Variants in PTS observed in about 807,000 individuals in gnomAD.
PTS encodes the protein 6-pyruvoyltetrahydropterin synthase.
In PTS, 23 loss-of-function variants were observed where a neutral mutation model predicts 20.6. The ratio of observed to expected loss-of-function variants is 1.12; its 90% CI spans 0.80 to 1.58. The LOEUF (loss-of-function observed/expected upper bound fraction) is 1.58, where lower values mean the gene tolerates loss of function less well. Among genes scored for constraint, PTS ranks in the 40% most tolerant of loss-of-function variants. The probability of loss-of-function intolerance (pLI) is 0.00; values close to 1 mark genes in which losing one functional copy is unlikely to be tolerated. For synonymous variants in PTS, 65 were observed against 62.5 expected, an observed-to-expected ratio of 1.04 and a Z score of -0.19; for missense variants, 186 against 182.4, an observed-to-expected ratio of 1.02 and a Z score of -0.11.
chr11:112,231,933 G>A (rs994663908), intron 4 of PTS, among the ~76,000 whole-genome samples: 1 of 144,536 alleles, frequency 6.9e-6, no homozygotes, highest in African/African-American at 2.6e-5. Context: ...GGGAGGAGAG[G>A]GGAGGGGAAA....
At chr11:112,232,149 G>T (rs932215241) in intron 4 of PTS, among the ~76,000 whole-genome samples, 5 of 152,120 alleles carry the variant, frequency 3.3e-5, no homozygotes, top group Non-Finnish European at 7.4e-5. Flanking sequence ...TCTACCGTGG[G>T]GGGAGGATTG....
intron 4 of PTS, 139 bp downstream of exon 4, chr11:112,230,821 G>A (rs1859920503): frequency 1.2e-6 from 1 of 831,698 alleles, no homozygotes; most frequent in Admixed American, 1.9e-5. Context: ...TTGGGGAATA[G>A]TTGGAAGAAC....
intron 1 of PTS, among the ~76,000 whole-genome samples, chr11:112,226,926 A>C (rs1319960888): frequency 6.7e-6 from 1 of 150,238 alleles, no homozygotes; most frequent in African/African-American, 2.5e-5. Flanking sequence ...CGGCGTAGAC[A>C]CTCAGTAAAT....
chr11:112,226,433 G>T lies in PTS; in HGVS notation c.-11G>T. The T allele has an allele frequency of 6.4e-7, 1 of 1,573,504 alleles. No homozygotes were observed. Among genetic ancestry groups the T allele is most frequent in the Non-Finnish European group, 8.6e-7 (1 of 1,161,144 alleles). On this transcript the variant is annotated 5_prime_UTR_variant, in exon 1 of 6. Coordinates refer to ENST00000280362, the MANE Select transcript of PTS (RefSeq NM_000317.3). ...AGGTGCCGGCCGAGCACCGCAGACA[G>T]CGCCGGGAAGATGAGCACGGAAGGT...
chr11:112,228,751 G>A (rs1045710637), intron 2 of PTS, 78 bp downstream of exon 2: 14 of 1,327,142 alleles, frequency 1.1e-5, no homozygotes, highest in Non-Finnish European at 1.5e-5. Flanking sequence ...ATAAAGAATG[G>A]GAAAACTTAC....
At position 112,233,710 on chromosome 11, in the gene PTS, T is replaced by A; in HGVS notation, c.*155T>A. ...ATTGAAATCATTGTAAGACCTGTTA[T>A]AAATTTAAGTCTATTTAAAACTAAA... On this transcript the variant is annotated 3_prime_UTR_variant, in exon 6 of 6. Transcript: ENST00000280362. 1 of 1,085,534 alleles carries A rather than the reference T, an allele frequency of 9.2e-7. No homozygotes were observed. The highest frequency in any genetic ancestry group is 2.2e-5 in the South Asian group (1 of 45,484). 67.2% of individuals were successfully genotyped at this position (1,085,534 alleles called of 1,614,324 possible).
Position 112,233,589 on chromosome 11 carries a change from C to A in PTS, c.*34C>A. 6.2e-7 allele frequency: 1 copy of A among 1,611,986 alleles called. No individual in the cohort carries two copies. Among genetic ancestry groups the A allele is most frequent in the South Asian group, 1.1e-5 (1 of 90,566 alleles). On this transcript the variant is annotated 3_prime_UTR_variant, in exon 6 of 6. Coordinates refer to ENST00000280362, the MANE Select transcript of PTS (RefSeq NM_000317.3). ...GTTAGCATTGCACAAAGCCCAGTTT[C>A]TTTCTGTGTTTGAAAAAGATTTTGA...
At chr11:112,229,693 A>G (rs1859905838) in intron 2 of PTS, among the ~76,000 whole-genome samples, 1 of 152,220 alleles carries the variant, frequency 6.6e-6, no homozygotes, top group Non-Finnish European at 1.5e-5. Context: ...CGCCTGGCCA[A>G]GATTTTTCAA....
At chr11:112,226,857 A>G (rs1167278694) in intron 1 of PTS, among the ~76,000 whole-genome samples, 1 of 151,168 alleles carries the variant, frequency 6.6e-6, no homozygotes, top group African/African-American at 2.4e-5. Flanking sequence ...GGTGTAGACC[A>G]CAGGGTTGCT....
chr11:112,226,551 G>A (rs992644194), intron 1 of PTS, 25 bp downstream of exon 1: 16 of 1,518,076 alleles, frequency 1.1e-5, no homozygotes, highest in South Asian at 5.0e-5. Flanking sequence ...CAGGTACAGC[G>A]GCGGGCGGTG....
At chr11:112,228,880 A>G (rs1324855507) in intron 2 of PTS, 1 of 597,972 alleles carries the variant, frequency 1.7e-6, no homozygotes. Context: ...CAACTCTTAC[A>G]AACAGTCCAA....
intron 2 of PTS, 96 bp from the exon 3 acceptor site, chr11:112,230,112 G>T (rs1859910600): frequency 8.6e-7 from 1 of 1,167,900 alleles, no homozygotes. Context: ...AATAATTTAT[G>T]TTGCCAACTT....
intron 3 of PTS, 168 bp from the exon 4 acceptor site, chr11:112,230,458 C>T: frequency 1.3e-6 from 1 of 797,812 alleles, no homozygotes. Flanking sequence ...GAAAAGGATG[C>T]TTGAAGTACA....
chr11:112,228,037 A>T (rs1859887659), intron 1 of PTS, among the ~76,000 whole-genome samples: 1 of 152,226 alleles, frequency 6.6e-6, no homozygotes, highest in Admixed American at 6.5e-5. Context: ...TTAAAAATTC[A>T]CCTGCTTGGA....
Position 112,226,428 on chromosome 11 carries a change from A to G in PTS, c.-16A>G. 6.4e-7 allele frequency: 1 copy of G among 1,570,632 alleles called. No homozygotes were observed. The highest frequency in any genetic ancestry group is 8.6e-7 in the Non-Finnish European group (1 of 1,159,378). On this transcript the variant is annotated 5_prime_UTR_variant, in exon 1 of 6. Coordinates refer to ENST00000280362, the MANE Select transcript of PTS (RefSeq NM_000317.3). The stretch of plus-strand genomic sequence containing the variant: ...GGAGGAGGTGCCGGCCGAGCACCGC[A>G]GACAGCGCCGGGAAGATGAGCACGG...
intron 4 of PTS, 51 bp from the exon 5 acceptor site, chr11:112,233,112 A>G (rs779317972): frequency 6.5e-7 from 1 of 1,536,416 alleles, no homozygotes; most frequent in Non-Finnish European, 9.0e-7. Flanking sequence ...ACAATTTGGA[A>G]TTTGAGTCGT....
rs201791923 is a variant in PTS at position 112,233,945 on chromosome 11, TAAAG to T, written c.*394_*397del. On this transcript the variant is annotated 3_prime_UTR_variant, in exon 6 of 6. Transcript: ENST00000280362. ...TATGTGACTTCGAGTAGGTGAATCT[TAAAG>T]AAATAAAATTCAAGTGACCACAAAG... The T allele has an allele frequency of 3.3e-3, 538 of 160,798 alleles. 6 individuals are homozygous for T. Among genetic ancestry groups the T allele is most frequent in the East Asian group, 9.1e-3 (50 of 5,488 alleles). The allele number at this position is 160,798 out of a possible 1,614,324, so 10.0% of individuals were successfully genotyped here.
chr11:112,233,296 A>G lies in PTS; in HGVS notation c.314+63A>G, dbSNP rs1344300836. ...AACAAGAATTGATTTGAATACTTTGATTGTTGTGTGATTTCTGAAGTTTTA... is the reference window on the plus strand; with the variant it reads ...AACAAGAATTGATTTGAATACTTTGGTTGTTGTGTGATTTCTGAAGTTTTA... On this transcript the variant is annotated intron_variant, in intron 5 of 5. Transcript: ENST00000280362. 5.8e-6 allele frequency: 9 copies of G among 1,564,980 alleles called. No homozygotes were observed. The African/African-American group carries it at 1.1e-4, about 19-fold the overall frequency.
chr11:112,233,424 T>G lies in PTS; in HGVS notation c.315-8T>G. The G allele has an allele frequency of 1.9e-6, 3 of 1,598,662 alleles. No individual in the cohort carries two copies. The highest frequency in any genetic ancestry group is 2.6e-6 in the Non-Finnish European group (3 of 1,175,616). On this transcript the variant is annotated splice_region_variant and splice_polypyrimidine_tract_variant and intron_variant, in intron 5 of 5. Coordinates refer to ENST00000280362, the MANE Select transcript of PTS (RefSeq NM_000317.3). ...AATTTTTTTTGTTTTTGTTTTTTTT[T>G]CTTATAGCACGACTGAAAATGTAGC...
Sources: allele counts gnomAD v4.1 joint callset (sites outside exome capture counted in the v4.1 genomes callset), GRCh38; gene constraint gnomAD v4.1.1; transcripts MANE v1.5; gene names NCBI Gene and HGNC (gene_info 2026-07-23, HGNC 2026-07-21).